The following SLCO5A1 variants were observed in gnomAD, a reference collection of about 807,000 sequenced individuals.
SLCO5A1 encodes the protein solute carrier organic anion transporter family member 5A1.
SLCO5A1 carries 39 observed loss-of-function variants against 65.1 expected under a neutral mutation model. The ratio of observed to expected loss-of-function variants is 0.60; its 90% CI spans 0.46 to 0.78. The LOEUF (loss-of-function observed/expected upper bound fraction) is 0.78. SLCO5A1 is among the 30% of genes least tolerant of loss of function. The pLI is 0.00. For synonymous variants in SLCO5A1, 438 were observed against 415.7 expected (o/e 1.05, Z -0.65); for missense variants, 1,029 against 1,069.4 (o/e 0.96, Z 0.53).
chr8:69,748,199 C>T (rs911138512), intron 4 of SLCO5A1, among the ~76,000 whole-genome samples: 1 of 152,290 alleles, frequency 6.6e-6, no homozygotes, highest in Admixed American at 6.5e-5. Context: ...GAGACACTTG[C>T]CTACGACAAG....
At chr8:69,809,458 C>T (rs1200066963) in intron 2 of SLCO5A1, among the ~76,000 whole-genome samples, 1 of 151,766 alleles carries the variant, frequency 6.6e-6, no homozygotes, top group African/African-American at 2.4e-5. Flanking sequence ...TTGTATGGCA[C>T]CTAAATTTTA....
At chr8:69,764,360 T>A (rs1409164622) in intron 2 of SLCO5A1, among the ~76,000 whole-genome samples, 1 of 152,220 alleles carries the variant, frequency 6.6e-6, no homozygotes, top group Non-Finnish European at 1.5e-5. Flanking sequence ...CACACCTAAA[T>A]ACACTTTGAA....
At chr8:69,805,150 A>G (rs1246628169) in intron 2 of SLCO5A1, among the ~76,000 whole-genome samples, 1 of 152,034 alleles carries the variant, frequency 6.6e-6, no homozygotes, top group Non-Finnish European at 1.5e-5. Flanking sequence ...GCAGAAGGTG[A>G]CAGGCTGTGT....
chr8:69,785,016 GAA>G (rs1818996222), intron 2 of SLCO5A1, among the ~76,000 whole-genome samples: 2 of 145,194 alleles, frequency 1.4e-5, no homozygotes, highest in South Asian at 4.4e-4. Context: ...GAAAAGAAAA[GAA>G]AGAAAGGGAA....
At chr8:69,681,965 C>A (rs147324910) in intron 7 of SLCO5A1, among the ~76,000 whole-genome samples, 6 of 152,228 alleles carry the variant, frequency 3.9e-5, no homozygotes, top group Admixed American at 3.3e-4. Context: ...TGATATGGAA[C>A]AAAATCCCTG....
In SLCO5A1 at chr8:69,679,454, G is replaced by A; in HGVS notation, c.1948C>T (p.Pro650Ser). The A allele has an allele frequency of 6.2e-7, 1 of 1,614,176 alleles. No individual in the cohort carries two copies. Among genetic ancestry groups the A allele is most frequent in the Admixed American group, 1.7e-5 (1 of 60,028 alleles). ...KCKRTCNTLI[P>S]FLVFLFIVTF... is the part of the protein sequence containing the mutation. ...ACTATGAAAAGAAAAACTAAGAATG[G>A]GATAAGAGTATTGCAGGTCCGTTTA... is the stretch of plus-strand genomic sequence containing the variant. Residue 650 changes from proline to serine, a missense_variant, in exon 8 of 10, where the codon CCA becomes TCA. This residue lies in a region of SLCO5A1 where 124 missense variants were observed against 184.5 expected (regional missense o/e 0.67). Coordinates refer to ENST00000260126, the MANE Select transcript of SLCO5A1 (RefSeq NM_030958.3).
At chr8:69,722,494 A>G (rs1815872108) in intron 5 of SLCO5A1, among the ~76,000 whole-genome samples, 1 of 152,180 alleles carries the variant, frequency 6.6e-6, no homozygotes, top group Non-Finnish European at 1.5e-5. Flanking sequence ...ATTATTATTT[A>G]TTCCCATTTT....
chr8:69,733,230 A>G (rs1755212569), intron 5 of SLCO5A1, among the ~76,000 whole-genome samples: 1 of 152,210 alleles, frequency 6.6e-6, no homozygotes, highest in Admixed American at 6.5e-5. Context: ...TGCTATCATC[A>G]TAAATAATAA....
rs539366661 is a variant in SLCO5A1 at position 69,772,999 on chromosome 8, T to C, written c.908-11124A>G. Reference sequence around the variant, plus strand: ...ACTGTGGGAAAGGAATGATACGTTATAATTAGTTGGGGAGGGAGGACAGAG... The same window carrying C: ...ACTGTGGGAAAGGAATGATACGTTACAATTAGTTGGGGAGGGAGGACAGAG... On this transcript the variant is annotated intron_variant, in intron 2 of 9. Coordinates refer to ENST00000260126, the MANE Select transcript of SLCO5A1 (RefSeq NM_030958.3). 14 of 982,864 alleles carry C rather than the reference T, an allele frequency of 1.4e-5. No individual in the cohort carries two copies. In the African/African-American group the frequency reaches 2.4e-4, roughly 17 times the overall value. 60.9% of individuals were successfully genotyped at this position (982,864 alleles called of 1,614,324 possible). A position where few individuals can be genotyped will look rare whatever the true frequency, so the allele number is the denominator to read the frequency against.
intron 6 of SLCO5A1, among the ~76,000 whole-genome samples, chr8:69,694,363 G>A (rs1423745433): frequency 6.6e-6 from 1 of 152,148 alleles, no homozygotes; most frequent in Non-Finnish European, 1.5e-5. Context: ...TAAGACATGT[G>A]TAAGTGCCAA....
chr8:69,749,543 T>C (rs1163970224), intron 4 of SLCO5A1, among the ~76,000 whole-genome samples: 2 of 151,492 alleles, frequency 1.3e-5, no homozygotes, highest in Admixed American at 6.6e-5. Context: ...ACTTGAGCCT[T>C]GGAGGCGGAG....
chr8:69,679,314 T>C, intron 8 of SLCO5A1, 64 bp downstream of exon 8: 1 of 1,596,892 alleles, frequency 6.3e-7, no homozygotes, highest in Non-Finnish European at 8.5e-7. Flanking sequence ...CCCCTTGTCC[T>C]GGATTATGTG....
chr8:69,733,680 T>G (rs928040508), intron 5 of SLCO5A1, among the ~76,000 whole-genome samples: 1 of 152,176 alleles, frequency 6.6e-6, no homozygotes, highest in Non-Finnish European at 1.5e-5. Flanking sequence ...TCACGAGACG[T>G]GATGGTTTTA....
Position 69,736,835 on chromosome 8 carries a change from T to C in SLCO5A1, c.1423+1205A>G, listed in dbSNP as rs534180686. 2.0e-5 allele frequency among the ~76,000 whole-genome samples: 3 copies of C among 152,336 alleles called. No homozygotes were observed. The East Asian group carries it at 5.8e-4, about 29-fold the overall frequency. The stretch of plus-strand genomic sequence containing the variant: ...GACTACCCTATAATTAACAGCTGTG[T>C]GGCTTTGAATCTAACTTCAAGACAA... On this transcript the variant is annotated intron_variant, in intron 5 of 9. Transcript: ENST00000260126.
At chr8:69,684,193 AT>A (rs1324562188) in intron 6 of SLCO5A1, among the ~76,000 whole-genome samples, 1 of 152,184 alleles carries the variant, frequency 6.6e-6, no homozygotes, top group Non-Finnish European at 1.5e-5. Context: ...ACCTAAAAAA[AT>A]ATTATTCTAG....
At chr8:69,699,130 C>A (rs187147391) in intron 6 of SLCO5A1, among the ~76,000 whole-genome samples, 1 of 152,170 alleles carries the variant, frequency 6.6e-6, no homozygotes, top group East Asian at 1.9e-4. Flanking sequence ...AGTCCATCTA[C>A]GACACAATTT....
At position 69,767,889 on chromosome 8, in the gene SLCO5A1, CAA is replaced by C. The variant is rs746004982; in HGVS notation, c.908-6016_908-6015del. ...TGGGTGACAGAATGAGACTCCATCTCAAAAAAAAAAAAAAAAAAAAAACAAAA... is the reference window on the plus strand; with the variant it reads ...TGGGTGACAGAATGAGACTCCATCTCAAAAAAAAAAAAAAAAAAAACAAAA... On this transcript the variant is annotated intron_variant, in intron 2 of 9. Transcript: ENST00000260126. Among the ~76,000 whole-genome samples the C allele has an allele frequency of 1.6e-3, 57 of 35,022 alleles. No homozygotes were observed. The South Asian group carries it at 0.042, about 26-fold the overall frequency. The allele number at this position is 35,022 out of a possible 152,430, so 23.0% of individuals were successfully genotyped here.
rs191547665 is a variant in SLCO5A1, at chr8:69,742,862, G to A, written c.1259-4658C>T. 1.3e-4 allele frequency among the ~76,000 whole-genome samples: 19 copies of A among 148,402 alleles called. No homozygotes were observed. In the East Asian group the frequency reaches 1.4e-3, roughly 11 times the overall value. Reference sequence around the variant, plus strand: ...GTTGCCCAGGCTGGAGTGCAGTGGCGTGATCTCAGCTGACTGTAACCTCTG... The same window carrying A: ...GTTGCCCAGGCTGGAGTGCAGTGGCATGATCTCAGCTGACTGTAACCTCTG... On this transcript the variant is annotated intron_variant, in intron 4 of 9. Coordinates refer to ENST00000260126, the MANE Select transcript of SLCO5A1 (RefSeq NM_030958.3).
At chr8:69,767,093 T>C (rs761702691) in intron 2 of SLCO5A1, among the ~76,000 whole-genome samples, 8 of 152,238 alleles carry the variant, frequency 5.3e-5, no homozygotes, top group Non-Finnish European at 8.8e-5. Context: ...TACACCTTCA[T>C]TGGTTTTCTC....
Sources: allele counts gnomAD v4.1 joint callset (sites outside exome capture counted in the v4.1 genomes callset), GRCh38; gene constraint gnomAD v4.1.1; regional missense constraint gnomAD v4.1.1; transcripts MANE v1.5; gene names NCBI Gene and HGNC (gene_info 2026-07-23, HGNC 2026-07-21).